Variants in DYNC1I1 observed in about 807,000 individuals in gnomAD.
DYNC1I1 encodes cytoplasmic dynein 1 intermediate chain 1.
Under a neutral mutation model 86.6 loss-of-function variants are expected in DYNC1I1, and 43 were observed. That is an observed-to-expected ratio of 0.50 (90% CI 0.39 to 0.64). The LOEUF (loss-of-function observed/expected upper bound fraction) is 0.64, where lower values mean the gene tolerates loss of function less well. Among genes scored for constraint, DYNC1I1 ranks in the 30% least tolerant of loss-of-function variants. The probability of loss-of-function intolerance (pLI) is 0.00; values close to 1 mark genes in which losing one functional copy is unlikely to be tolerated. For synonymous variants in DYNC1I1, 262 were observed against 283.7 expected (o/e 0.92, Z 0.77); for missense variants, 604 against 788.8 (o/e 0.77, Z 2.81).
chr7:95,965,095 G>A (rs543179446), intron 6 of DYNC1I1, among the ~76,000 whole-genome samples: 4 of 152,296 alleles, frequency 2.6e-5, no homozygotes, highest in East Asian at 3.9e-4. Flanking sequence ...ATGGCTACAC[G>A]TACACATGGA....
chr7:96,004,648 A>G (rs111799004), intron 10 of DYNC1I1, among the ~76,000 whole-genome samples: 2 of 72,094 alleles, frequency 2.8e-5, no homozygotes, highest in Non-Finnish European at 5.3e-5. Context: ...AAATGCATGC[A>G]CACACACACA....
chr7:96,080,291 G>A (rs1447433773), intron 15 of DYNC1I1, 72 bp from the exon 16 acceptor site: 8 of 1,506,506 alleles, frequency 5.3e-6, no homozygotes, highest in African/African-American at 4.2e-5. Context: ...CCAGTTAAAC[G>A]TATTATTGTA....
intron 4 of DYNC1I1, among the ~76,000 whole-genome samples, chr7:95,814,292 G>C (rs2115849730): frequency 1.3e-5 from 2 of 152,254 alleles, no homozygotes; most frequent in Middle Eastern, 6.8e-3. Flanking sequence ...GTTCCAAGTA[G>C]TTATGGGCCA....
At chr7:95,926,225 G>A (rs909706239) in intron 6 of DYNC1I1, among the ~76,000 whole-genome samples, 1 of 152,156 alleles carries the variant, frequency 6.6e-6, no homozygotes, top group African/African-American at 2.4e-5. Context: ...TAACTAGACT[G>A]TAAGAATGCT....
chr7:95,916,514 T>G (rs913835113), intron 6 of DYNC1I1, among the ~76,000 whole-genome samples: 2 of 152,246 alleles, frequency 1.3e-5, no homozygotes, highest in African/African-American at 4.8e-5. Flanking sequence ...ATTTGTGTTC[T>G]ATTAGATCTG....
rs147323320 is a variant in DYNC1I1 at position 95,941,935 on chromosome 7, G to A, written c.491-35577G>A. Reference sequence around the variant, plus strand: ...CTGTAGACCGGAGCTGTTCCTATTCGGCCATCTTGGCTCACAATTAAAAGA... The same window carrying A: ...CTGTAGACCGGAGCTGTTCCTATTCAGCCATCTTGGCTCACAATTAAAAGA... On this transcript the variant is annotated intron_variant, in intron 6 of 16. Transcript: ENST00000447467. 1.3e-4 allele frequency among the ~76,000 whole-genome samples: 20 copies of A among 152,152 alleles called. No individual in the cohort carries two copies. In the East Asian group the frequency reaches 1.4e-3, roughly 10 times the overall value.
intron 1 of DYNC1I1, among the ~76,000 whole-genome samples, chr7:95,776,711 A>T (rs1793849173): frequency 6.6e-6 from 1 of 152,230 alleles, no homozygotes; most frequent in Non-Finnish European, 1.5e-5. Flanking sequence ...TTTCACCAGG[A>T]GTCCAGGTGG....
At chr7:96,073,605 G>A (rs187099586) in intron 14 of DYNC1I1, among the ~76,000 whole-genome samples, 1 of 152,284 alleles carries the variant, frequency 6.6e-6, no homozygotes, top group Admixed American at 6.5e-5. Flanking sequence ...GAGTCTATCT[G>A]TATGAAGACC....
intron 14 of DYNC1I1, among the ~76,000 whole-genome samples, chr7:96,069,510 G>A (rs976487066): frequency 1.3e-5 from 2 of 152,194 alleles, no homozygotes; most frequent in South Asian, 4.1e-4. Flanking sequence ...ATTCAAAAGA[G>A]CATCCTTGCT....
intron 6 of DYNC1I1, among the ~76,000 whole-genome samples, chr7:95,970,856 G>A (rs2115582686): frequency 6.6e-6 from 1 of 152,318 alleles, no homozygotes; most frequent in South Asian, 2.1e-4. Flanking sequence ...GTGGGTGGCA[G>A]AATAATGGAG....
chr7:95,972,839 C>A (rs1018821965), intron 6 of DYNC1I1, among the ~76,000 whole-genome samples: 1 of 152,106 alleles, frequency 6.6e-6, no homozygotes, highest in African/African-American at 2.4e-5. Context: ...CATTCTTAGA[C>A]CTCTGAAAAT....
Position 95,954,784 on chromosome 7 carries a change from C to T in DYNC1I1, c.491-22728C>T, listed in dbSNP as rs571068006. The stretch of plus-strand genomic sequence containing the variant: ...CAAAATAATTAGCCAGGCGTGGTGG[C>T]GGGCGCCTGTAGTCCCAGCTACTCA... On this transcript the variant is annotated intron_variant, in intron 6 of 16. Transcript: ENST00000447467. 1.3e-3 allele frequency among the ~76,000 whole-genome samples: 204 copies of T among 151,758 alleles called. 2 individuals are homozygous for T. The highest frequency in any genetic ancestry group is 4.7e-3 in the African/African-American group (193 of 41,366).
downstream of DYNC1I1, among the ~76,000 whole-genome samples, chr7:96,101,781 G>C (rs1791140745): frequency 6.6e-6 from 1 of 152,102 alleles, no homozygotes; most frequent in African/African-American, 2.4e-5. Context: ...TCTCACAGAA[G>C]GGAGGGCCAA....
chr7:95,946,139 C>T (rs372047198), intron 6 of DYNC1I1, among the ~76,000 whole-genome samples: 1 of 151,802 alleles, frequency 6.6e-6, no homozygotes, highest in Non-Finnish European at 1.5e-5. Flanking sequence ...ACAACACACA[C>T]TGGGGCCTGT....
chr7:95,819,623 G>A (rs1357533733), intron 4 of DYNC1I1, among the ~76,000 whole-genome samples: 2 of 151,962 alleles, frequency 1.3e-5, no homozygotes, highest in Admixed American at 6.6e-5. Flanking sequence ...GATTATGGGG[G>A]AAATTTAATA....
At chr7:95,997,366 G>T (rs1466572575) in intron 10 of DYNC1I1, among the ~76,000 whole-genome samples, 4 of 151,870 alleles carry the variant, frequency 2.6e-5, no homozygotes, top group Admixed American at 2.6e-4. Flanking sequence ...GCACATTTTT[G>T]AAAAACAGTG....
intron 10 of DYNC1I1, among the ~76,000 whole-genome samples, chr7:96,004,716 A>G (rs1217070902): frequency 6.6e-6 from 1 of 152,024 alleles, no homozygotes. Context: ...GCTATATTTC[A>G]CAAAAGAGAA....
chr7:95,802,767 T>C (rs1413948514), intron 1 of DYNC1I1: 1 of 152,236 alleles, frequency 6.6e-6, no homozygotes, highest in Non-Finnish European at 1.5e-5. Flanking sequence ...TCCTCCCGCC[T>C]CAGCCTCCCA....
At chr7:96,040,717 T>G (rs1055976491) in intron 14 of DYNC1I1, among the ~76,000 whole-genome samples, 4 of 69,442 alleles carry the variant, frequency 5.8e-5, no homozygotes, top group African/African-American at 1.4e-4. Flanking sequence ...AAATGAGTAG[T>G]TTTTTTTTTT....
Sources: allele counts gnomAD v4.1 joint callset (sites outside exome capture counted in the v4.1 genomes callset), GRCh38; gene constraint gnomAD v4.1.1; transcripts MANE v1.5; gene names NCBI Gene and HGNC (gene_info 2026-07-23, HGNC 2026-07-21).